ZNRF1: variants seen among roughly 807,000 people sequenced by gnomAD.
ZNRF1 encodes E3 ubiquitin-protein ligase ZNRF1.
A neutral mutation model predicts 18.4 loss-of-function variants in ZNRF1; 3 were observed. The ratio of observed to expected loss-of-function variants is 0.16; its 90% confidence interval spans 0.07 to 0.42. ZNRF1 has a LOEUF of 0.42. ZNRF1 is among the 10% of genes least tolerant of loss of function. ZNRF1 has a pLI of 0.99. For missense variants in ZNRF1, 310 were observed against 329.8 expected, an observed-to-expected ratio of 0.94 and a Z score of 0.47; for synonymous variants, 157 against 144.2, an observed-to-expected ratio of 1.09 and a Z score of -0.64.
chr16:75,106,567 C>A lies in ZNRF1; in HGVS notation c.*28C>A, dbSNP rs2036318901. On this transcript the variant is annotated 3_prime_UTR_variant, in exon 4 of 5. Coordinates refer to ENST00000335325, the MANE Select transcript of ZNRF1 (RefSeq NM_032268.5). Reference sequence around the variant, plus strand: ...TGCGGGCTTGCTTGCTGACTCCTCTCAAAGGTGAGCCCGCGTTTGGGGGTG... The same window carrying A: ...TGCGGGCTTGCTTGCTGACTCCTCTAAAAGGTGAGCCCGCGTTTGGGGGTG... The A allele has an allele frequency of 6.2e-7, 1 of 1,613,964 alleles. No homozygotes were observed. Among genetic ancestry groups the A allele is most frequent in the African/African-American group, 1.3e-5 (1 of 75,028 alleles).
At chr16:75,059,063 G>C (rs1266022149) in intron 1 of ZNRF1, among the ~76,000 whole-genome samples, 1 of 152,156 alleles carries the variant, frequency 6.6e-6, no homozygotes, top group African/African-American at 2.4e-5. Flanking sequence ...AGGCCTGCCT[G>C]CTCTAGGAAG....
chr16:75,092,026 C>T (rs982516720), intron 1 of ZNRF1, among the ~76,000 whole-genome samples: 27 of 152,004 alleles, frequency 1.8e-4, no homozygotes, highest in African/African-American at 6.3e-4. Context: ...TGGCCAGGTG[C>T]GGTGGCTCAC....
intron 1 of ZNRF1, among the ~76,000 whole-genome samples, chr16:75,014,795 A>G (rs572494413): frequency 3.7e-4 from 57 of 152,110 alleles, no homozygotes; most frequent in Non-Finnish European, 5.4e-4. Flanking sequence ...GTCCTTGCCA[A>G]AATTTGATAT....
intron 1 of ZNRF1, among the ~76,000 whole-genome samples, chr16:75,003,890 T>G (rs937914895): frequency 6.6e-6 from 1 of 152,142 alleles, no homozygotes; most frequent in African/African-American, 2.4e-5. Context: ...CAAAGGACAT[T>G]CTAAATGGAG....
intron 1 of ZNRF1, chr16:75,000,349 T>C: frequency 4.5e-6 from 3 of 672,614 alleles, no homozygotes; most frequent in Non-Finnish European, 8.1e-6. Context: ...GCCTACCTAT[T>C]GGAGTTCCAT....
intron 2 of ZNRF1, among the ~76,000 whole-genome samples, chr16:75,101,478 G>A (rs536493144): frequency 7.0e-4 from 107 of 152,104 alleles, no homozygotes; most frequent in African/African-American, 2.5e-3. Context: ...CTCTTGAGGC[G>A]GAGGTTGCAG....
intron 1 of ZNRF1, among the ~76,000 whole-genome samples, chr16:75,040,265 T>C (rs2035427369): frequency 6.6e-6 from 1 of 151,958 alleles, no homozygotes; most frequent in African/African-American, 2.4e-5. Flanking sequence ...TTTATTTTTA[T>C]TGTTTTAAAA....
chr16:75,042,446 T>TC (rs1020661596), intron 1 of ZNRF1, among the ~76,000 whole-genome samples: 24 of 59,228 alleles, frequency 4.1e-4, no homozygotes, highest in South Asian at 2.2e-3. Context: ...TTTCTTTCTT[T>TC]TTTTTTTTTT....
intron 1 of ZNRF1, among the ~76,000 whole-genome samples, chr16:75,009,329 G>A (rs1477841296): frequency 6.6e-6 from 1 of 152,054 alleles, no homozygotes; most frequent in East Asian, 1.9e-4. Flanking sequence ...CCGTTTTTAA[G>A]TGTACAGTTC....
intron 1 of ZNRF1, among the ~76,000 whole-genome samples, chr16:75,056,188 ATCT>A (rs1375392768): frequency 2.0e-5 from 3 of 152,212 alleles, no homozygotes; most frequent in Non-Finnish European, 4.4e-5. Flanking sequence ...ATGAATTGGA[ATCT>A]TCTTCTTAAG....
intron 1 of ZNRF1, among the ~76,000 whole-genome samples, chr16:75,040,372 G>A (rs1166246413): frequency 6.6e-6 from 1 of 151,592 alleles, no homozygotes; most frequent in Non-Finnish European, 1.5e-5. Context: ...CTCTCACTTT[G>A]TCCTCCCAAA....
chr16:75,007,536 A>G (rs564455417), intron 1 of ZNRF1, among the ~76,000 whole-genome samples: 1 of 152,336 alleles, frequency 6.6e-6, no homozygotes, highest in South Asian at 2.1e-4. Context: ...ATAAGAATTT[A>G]TAGTGACCTC....
At chr16:75,093,446 T>G in intron 1 of ZNRF1, 126 bp from the exon 2 acceptor site, 1 of 671,958 alleles carries the variant, frequency 1.5e-6, no homozygotes, top group Non-Finnish European at 2.7e-6. Flanking sequence ...AGGTCCAGGG[T>G]CTGTTCTGAT....
intron 1 of ZNRF1, among the ~76,000 whole-genome samples, chr16:75,047,829 C>T (rs895657334): frequency 1.1e-4 from 17 of 152,142 alleles, no homozygotes; most frequent in Admixed American, 4.6e-4. Flanking sequence ...GCATGGCGGC[C>T]GAGATCAAGG....
At chr16:75,049,008 T>C (rs896783530) in intron 1 of ZNRF1, among the ~76,000 whole-genome samples, 3 of 137,100 alleles carry the variant, frequency 2.2e-5, no homozygotes, top group Admixed American at 1.4e-4. Flanking sequence ...TTGGAATCCC[T>C]TTTTTTTTTT....
At chr16:75,070,726 AG>A (rs1567485901) in intron 1 of ZNRF1, among the ~76,000 whole-genome samples, 1 of 151,912 alleles carries the variant, frequency 6.6e-6, no homozygotes, top group African/African-American at 2.4e-5. Context: ...GACTTGTAAC[AG>A]CGTGGACTTG....
intron 1 of ZNRF1, among the ~76,000 whole-genome samples, chr16:75,043,565 C>T (rs141944602): frequency 1.8e-4 from 27 of 152,138 alleles, no homozygotes; most frequent in Non-Finnish European, 3.2e-4. Flanking sequence ...ATAATATATG[C>T]AAGGAATCAT....
chr16:75,016,526 C>T (rs900098711), intron 1 of ZNRF1, among the ~76,000 whole-genome samples: 3 of 151,478 alleles, frequency 2.0e-5, no homozygotes, highest in Non-Finnish European at 2.9e-5. Context: ...AGGCTTGAGC[C>T]ACTGCACCCA....
chr16:75,021,941 A>G (rs2035155134), intron 1 of ZNRF1, among the ~76,000 whole-genome samples: 1 of 152,196 alleles, frequency 6.6e-6, no homozygotes, highest in Non-Finnish European at 1.5e-5. Flanking sequence ...TGAAAATCCT[A>G]GAAATTTTAT....
Sources: allele counts gnomAD v4.1 joint callset (sites outside exome capture counted in the v4.1 genomes callset), GRCh38; gene constraint gnomAD v4.1.1; transcripts MANE v1.5; gene names NCBI Gene and HGNC (gene_info 2026-07-23, HGNC 2026-07-21).